The following RADIL variants were observed in gnomAD, a reference collection of about 807,000 sequenced individuals.
RADIL encodes Rap associating with DIL domain, also known as ras-associating and dilute domain-containing protein.
In RADIL, 99 loss-of-function variants were observed where a neutral mutation model predicts 97.6. That is an observed-to-expected ratio of 1.01 (90% CI 0.86 to 1.20). The LOEUF (loss-of-function observed/expected upper bound fraction) is 1.20. RADIL is among the 50% of genes most tolerant of loss of function. The pLI is 0.00. For synonymous variants in RADIL, 803 were observed against 691.8 expected, an observed-to-expected ratio of 1.16 and a Z score of -2.52; for missense variants, 1,765 against 1,498.9, an observed-to-expected ratio of 1.18 and a Z score of -2.93.
chr7:4,855,259 C>G (rs1278337760), intron 2 of RADIL, among the ~76,000 whole-genome samples: 1 of 152,146 alleles, frequency 6.6e-6, no homozygotes, highest in Non-Finnish European at 1.5e-5. Context: ...TGCTTCCTGA[C>G]TTTTCTACCA....
intron 2 of RADIL, among the ~76,000 whole-genome samples, chr7:4,862,444 A>G (rs975306120): frequency 2.0e-5 from 3 of 152,194 alleles, no homozygotes; most frequent in Non-Finnish European, 4.4e-5. Context: ...TGTTCTGGCC[A>G]TGCTTTAAGG....
Position 4,805,606 on chromosome 7 carries a change from C to T in RADIL, c.2250G>A (p.Trp750Ter), listed in dbSNP as rs1286822343. 6.2e-7 allele frequency: 1 copy of T among 1,611,864 alleles called. No individual in the cohort carries two copies. Among genetic ancestry groups the T allele is most frequent in the Admixed American group, 1.7e-5 (1 of 60,020 alleles). Residue 750 changes from tryptophan to a stop codon, truncating the protein, a stop_gained, in exon 10 of 15, where the codon TGG becomes TGA. Transcript: ENST00000399583. LOFTEE classifies it high-confidence loss of function. ...LASAMGPMST[W>*]EPGAQDSPEA... ...CGGGGCTGTCCTGGGCCCCTGGCTC[C>T]CAGGTGCTCATGGGGCCCATGGCCG...
At chr7:4,862,032 C>CCGTACACGCGCGGGCGCCTG (rs1348391338) in intron 2 of RADIL, 2 of 408,894 alleles carry the variant, frequency 4.9e-6, no homozygotes, top group Non-Finnish European at 8.7e-6. Flanking sequence ...CCAGAACCTA[C>CCGTACACGCGCGGGCGCCTG]CGTACACGCG....
At chr7:4,805,356 T>G in intron 10 of RADIL, 1 of 515,954 alleles carries the variant, frequency 1.9e-6, no homozygotes, top group East Asian at 3.1e-5. Flanking sequence ...CTCGGCTCCT[T>G]GACTCCCCCG....
intron 9 of RADIL, chr7:4,811,427 G>GTTTCCTC (rs1347159974): frequency 1.3e-5 from 2 of 149,824 alleles, no homozygotes; most frequent in Non-Finnish European, 1.5e-5. Flanking sequence ...GTGAGGTAGG[G>GTTTCCTC]TTTCCTCTTT....
chr7:4,802,649 G>A (rs1483681723), intron 11 of RADIL, among the ~76,000 whole-genome samples: 12 of 119,090 alleles, frequency 1.0e-4, no homozygotes, highest in East Asian at 5.8e-4. Flanking sequence ...CGGGCACCTC[G>A]GGGCACTCTG....
chr7:4,852,669 A>G (rs545901252), intron 2 of RADIL, among the ~76,000 whole-genome samples: 1 of 152,264 alleles, frequency 6.6e-6, no homozygotes, highest in South Asian at 2.1e-4. Context: ...CATAGCACAG[A>G]GTGGCTGGGA....
At chr7:4,861,994 T>A in intron 2 of RADIL, 1 of 446,522 alleles carries the variant, frequency 2.2e-6, no homozygotes, top group Non-Finnish European at 4.0e-6. Context: ...AGCCCCAACA[T>A]GGCGCCAGAC....
Position 4,817,099 on chromosome 7 carries a change from G to T in RADIL, c.1728+140C>A. The T allele has an allele frequency of 1.4e-6, 1 of 696,458 alleles. No individual in the cohort carries two copies. The highest frequency in any genetic ancestry group is 2.4e-6 in the Non-Finnish European group (1 of 415,096). 43.1% of individuals were successfully genotyped at this position (696,458 alleles called of 1,614,324 possible). A position where few individuals can be genotyped will look rare whatever the true frequency, so the allele number is the denominator to read the frequency against. ...GGCCTGTGCAGAACCTGCAGCCACT[G>T]CTCCCTGATGAAGTGGAGCTTGTCA... On this transcript the variant is annotated intron_variant, in intron 7 of 14. Coordinates refer to ENST00000399583, the MANE Select transcript of RADIL (RefSeq NM_018059.5). This position sits in a 1 kb window ranked among gnomAD's most constrained non-coding sequence, Gnocchi z 8.3.
intron 2 of RADIL, among the ~76,000 whole-genome samples, chr7:4,869,413 G>A (rs182524546): frequency 8.7e-4 from 132 of 152,294 alleles, no homozygotes; most frequent in Non-Finnish European, 1.4e-3. Flanking sequence ...GATTACAGGC[G>A]TGAGCCACAA....
intron 2 of RADIL, chr7:4,861,851 G>GCGACCTTCACGTCCCCCACCAC: frequency 7.4e-7 from 1 of 1,352,478 alleles, no homozygotes; most frequent in Non-Finnish European, 9.7e-7. Flanking sequence ...CCCCACCACC[G>GCGACCTTCACGTCCCCCACCAC]CGACCTTCGC....
chr7:4,797,209 A>C lies in RADIL; in HGVS notation c.*2169T>G, dbSNP rs1036945769. The C allele has an allele frequency of 3.3e-4, 51 of 152,258 alleles. No homozygotes were observed. The highest frequency in any genetic ancestry group is 1.2e-3 in the African/African-American group (50 of 41,456). 9.4% of individuals were successfully genotyped at this position (152,258 alleles called of 1,614,324 possible). A position where few individuals can be genotyped will look rare whatever the true frequency, so the allele number is the denominator to read the frequency against. On this transcript the variant is annotated 3_prime_UTR_variant, in exon 15 of 15. Transcript: ENST00000399583. ...CCCTCACCAGTCCCGCACCTCAGCT[A>C]GGTGCTTCAGCGGCCAGAGGCTAGC...
Position 4,883,067 on chromosome 7 carries a change from T to C in RADIL, c.-65+529A>G, listed in dbSNP as rs541258693. ...TACATAAATAGCCGGGAAACAATGC[T>C]TTGAGCTGGCGCACGAGTGGGGATC... On this transcript the variant is annotated intron_variant, in intron 1 of 14. Coordinates refer to ENST00000399583, the MANE Select transcript of RADIL (RefSeq NM_018059.5). The surrounding 1 kb of genome is among the most constrained non-coding windows in gnomAD (Gnocchi z 7.1). 2.6e-5 allele frequency among the ~76,000 whole-genome samples: 4 copies of C among 151,772 alleles called. No homozygotes were observed. Among genetic ancestry groups the C allele is most frequent in the Non-Finnish European group, 5.9e-5 (4 of 68,010 alleles).
At chr7:4,858,449 T>G (rs1783889444) in intron 2 of RADIL, 1 of 152,550 alleles carries the variant, frequency 6.6e-6, no homozygotes, top group Admixed American at 6.5e-5. Context: ...GCTGATCTTT[T>G]GTAGACTAAA....
chr7:4,799,709 C>A lies in RADIL; in HGVS notation c.3043G>T (p.Ala1015Ser). 1 of 1,570,796 alleles carries A rather than the reference C, an allele frequency of 6.4e-7. No individual in the cohort carries two copies. The highest frequency in any genetic ancestry group is 8.6e-7 in the Non-Finnish European group (1 of 1,160,492). ...IQTLLPGSPA[A>S]ADGRLSLGDR... ...CCCAGCGACAGGCGCCCGTCGGCCG[C>A]TGCGGGGCTGCCCGGGAGCAGGGTC... Residue 1015 changes from alanine to serine, a missense_variant, in exon 14 of 15, where the codon GCG (alanine) becomes TCG (serine). By Grantham distance (99) the Ala-to-Ser change is moderately conservative. Coordinates refer to ENST00000399583, the MANE Select transcript of RADIL (RefSeq NM_018059.5).
At position 4,872,026 on chromosome 7, in the gene RADIL, G is replaced by A. The variant is rs1161156854; in HGVS notation, c.535+5579C>T. On this transcript the variant is annotated intron_variant, in intron 2 of 14. Transcript: ENST00000399583. This position sits in a 1 kb window ranked among gnomAD's most constrained non-coding sequence, Gnocchi z 5.8. ...AGACTCTGCACGTCACCATCCCTGA[G>A]ACCCTGGGTTTGCCAGGCACCCAGC... is the stretch of plus-strand genomic sequence containing the variant. 6.6e-6 allele frequency among the ~76,000 whole-genome samples: 1 copy of A among 152,168 alleles called. No individual in the cohort carries two copies. The highest frequency in any genetic ancestry group is 1.5e-5 in the Non-Finnish European group (1 of 68,030).
At position 4,879,303 on chromosome 7, in the gene RADIL, T is replaced by C. The variant is rs1784437247; in HGVS notation, c.-64-1100A>G. Among the ~76,000 whole-genome samples, 1 of 152,136 alleles carries C rather than the reference T, an allele frequency of 6.6e-6. No homozygotes were observed. The highest frequency in any genetic ancestry group is 2.4e-5 in the African/African-American group (1 of 41,428). ...GCCCAGGGCCAGGAGTTCCAGATGG[T>C]TTCTCAGTCTCCCTCCAGAACCTCT... On this transcript the variant is annotated intron_variant, in intron 1 of 14. Transcript: ENST00000399583. This position sits in a 1 kb window ranked among gnomAD's most constrained non-coding sequence, Gnocchi z 4.1.
rs1320683347 is a variant in RADIL, at chr7:4,824,805, A to C, written c.1455-2251T>G. Reference sequence around the variant, plus strand: ...GCAGAAGGAGCTTTTTATACAGTTAAAGAAGGATTCGCTGGGCTCTTCGGA... The same window carrying C: ...GCAGAAGGAGCTTTTTATACAGTTACAGAAGGATTCGCTGGGCTCTTCGGA... On this transcript the variant is annotated intron_variant, in intron 5 of 14. Transcript: ENST00000399583. The surrounding 1 kb of genome is among the most constrained non-coding windows in gnomAD (Gnocchi z 6.7). Among the ~76,000 whole-genome samples the C allele has an allele frequency of 6.6e-6, 1 of 152,212 alleles. No individual in the cohort carries two copies. Among genetic ancestry groups the C allele is most frequent in the Non-Finnish European group, 1.5e-5 (1 of 68,050 alleles).
chr7:4,799,879 C>T (rs1782020834), intron 13 of RADIL, 110 bp from the exon 14 acceptor site: 1 of 1,399,970 alleles, frequency 7.1e-7, no homozygotes, highest in Non-Finnish European at 9.4e-7. Flanking sequence ...GGCATCCAGC[C>T]AGGCCCACTC....
Sources: gnomAD v4.1 joint callset for allele counts (sites outside exome capture counted in the v4.1 genomes callset) on GRCh38, gnomAD v4.1.1 for gene constraint, Gnocchi (gnomAD v3.1) non-coding constraint, MANE v1.5 for transcripts, NCBI Gene and HGNC (gene_info 2026-07-23, HGNC 2026-07-21) for gene names.